The following DIAPH2 variants were observed in gnomAD, a reference collection of about 807,000 sequenced individuals.
DIAPH2 encodes protein diaphanous homolog 2.
DIAPH2 carries 35 observed loss-of-function variants against 92.7 expected under a neutral mutation model. The ratio of observed to expected loss-of-function variants is 0.38; its 90% CI spans 0.29 to 0.50. The LOEUF is 0.50. Ranked by LOEUF, DIAPH2 falls within the 20% of genes least tolerant of loss-of-function variation. The pLI, the probability that DIAPH2 is intolerant of heterozygous loss-of-function variation, is 0.94. For synonymous variants in DIAPH2, 301 were observed against 280.4 expected (o/e 1.07, Z -0.73); for missense variants, 701 against 819.5 (o/e 0.86, Z 1.77).
intron 26 of DIAPH2, among the ~76,000 whole-genome samples, chrX:97,536,451 T>C (rs923897577): frequency 2.3e-4 from 26 of 112,536 alleles, no homozygotes; most frequent in African/African-American, 7.7e-4. Context: ...ACATGAAATT[T>C]ATCCTCAACA....
intron 22 of DIAPH2, among the ~76,000 whole-genome samples, chrX:97,185,481 A>ATGTGTGTG (rs2067592355): frequency 3.6e-4 from 2 of 5,630 alleles, no homozygotes; most frequent in Non-Finnish European, 1.2e-3. Flanking sequence ...ACACATATAT[A>ATGTGTGTG]TATATATATA....
chrX:96,948,115 C>T (rs1318810626), intron 14 of DIAPH2, among the ~76,000 whole-genome samples: 2 of 112,321 alleles, frequency 1.8e-5, no homozygotes, highest in Non-Finnish European at 3.8e-5. Context: ...TTTATGGATT[C>T]TAGACAACTA....
At chrX:97,575,026 T>C (rs551149243) in intron 26 of DIAPH2, among the ~76,000 whole-genome samples, 1 of 112,602 alleles carries the variant, frequency 8.9e-6, no homozygotes, top group Middle Eastern at 4.6e-3. Flanking sequence ...ACTGAACTTA[T>C]TGAGCAACTG....
intron 17 of DIAPH2, among the ~76,000 whole-genome samples, chrX:97,061,226 T>G (rs769820967): frequency 8.9e-6 from 1 of 111,880 alleles, no homozygotes; most frequent in South Asian, 3.8e-4. Context: ...ATGTGCACTT[T>G]CAGTAGAATA....
chrX:97,395,885 T>A (rs2050426941), intron 25 of DIAPH2, among the ~76,000 whole-genome samples: 1 of 112,503 alleles, frequency 8.9e-6, no homozygotes, highest in African/African-American at 3.2e-5. Context: ...GCTGAACATT[T>A]AACAAGATTT....
chrX:96,790,323 G>A (rs1037084483), intron 4 of DIAPH2, among the ~76,000 whole-genome samples: 5 of 110,653 alleles, frequency 4.5e-5, no homozygotes, highest in Non-Finnish European at 9.5e-5. Context: ...CGCCTGCCTC[G>A]GCCTCCCAAA....
chrX:97,153,386 G>A (rs1602378083), intron 22 of DIAPH2, among the ~76,000 whole-genome samples: 1 of 110,205 alleles, frequency 9.1e-6, no homozygotes, highest in Non-Finnish European at 1.9e-5. Flanking sequence ...AGTTCAAGAC[G>A]AGCCTGGCCA....
chrX:97,444,460 G>T (rs1212535359), intron 26 of DIAPH2, among the ~76,000 whole-genome samples: 1 of 111,478 alleles, frequency 9.0e-6, no homozygotes, highest in African/African-American at 3.3e-5. Flanking sequence ...TTTTATTTCA[G>T]TTATAATACC....
Position 97,433,387 on chromosome X carries a change from G to A in DIAPH2, c.3241+3642G>A, listed in dbSNP as rs755575010. The stretch of plus-strand genomic sequence containing the variant: ...AAAAATTAGCCAAGCATGGTGGCAT[G>A]TGCCTGTAGTCCCAGCTACTCAGGT... On this transcript the variant is annotated intron_variant, in intron 26 of 26. Coordinates refer to ENST00000324765, the MANE Select transcript of DIAPH2 (RefSeq NM_006729.5). 1.7e-4 allele frequency among the ~76,000 whole-genome samples: 19 copies of A among 110,638 alleles called. 1 individual carries two copies. Among genetic ancestry groups the A allele is most frequent in the Non-Finnish European group, 3.0e-4 (16 of 52,978 alleles).
intron 26 of DIAPH2, among the ~76,000 whole-genome samples, chrX:97,556,882 G>A (rs1266618325): frequency 9.0e-6 from 1 of 111,590 alleles, no homozygotes; most frequent in South Asian, 3.7e-4. Flanking sequence ...CAATTATAGT[G>A]TCACAAATAT....
At chrX:97,137,297 A>ATATATATATATATG (rs2067179259) in intron 21 of DIAPH2, among the ~76,000 whole-genome samples, 1 of 97,820 alleles carries the variant, frequency 1.0e-5, no homozygotes, top group Admixed American at 1.1e-4. Context: ...ATATATATAT[A>ATATATATATATATG]TATATGTATA....
chrX:97,518,381 G>T (rs894734364), intron 26 of DIAPH2, among the ~76,000 whole-genome samples: 1 of 110,953 alleles, frequency 9.0e-6, no homozygotes, highest in African/African-American at 3.3e-5. Context: ...GGATTATGTT[G>T]AAAAATCAGG....
At position 97,128,004 on chromosome X, in the gene DIAPH2, C is replaced by G. The variant is rs1175343488; in HGVS notation, c.2589+13039C>G. 3.6e-5 allele frequency among the ~76,000 whole-genome samples: 4 copies of G among 111,051 alleles called. No homozygotes were observed. The East Asian group carries it at 1.1e-3, about 32-fold the overall frequency. On this transcript the variant is annotated intron_variant, in intron 21 of 26. Coordinates refer to ENST00000324765, the MANE Select transcript of DIAPH2 (RefSeq NM_006729.5). Reference sequence around the variant, plus strand: ...CCTCAGAGACAGAGTGAGACTGTTACAAGAAAGGGGTCCTGATCCAGACCC... The same window carrying G: ...CCTCAGAGACAGAGTGAGACTGTTAGAAGAAAGGGGTCCTGATCCAGACCC...
At chrX:97,297,076 CTTTTTTTTTTTTT>C (rs57145821) in intron 23 of DIAPH2, among the ~76,000 whole-genome samples, 11 of 20,730 alleles carry the variant, frequency 5.3e-4, no homozygotes, top group African/African-American at 1.3e-3. Context: ...CAGGCCTGGC[CTTTTTTTTTTTTT>C]TTTTTTTTTT....
chrX:96,908,304 A>G (rs966981785), intron 5 of DIAPH2, among the ~76,000 whole-genome samples: 10 of 111,502 alleles, frequency 9.0e-5, no homozygotes, highest in African/African-American at 2.6e-4. Flanking sequence ...AAAATTATTA[A>G]GAGTAATTTT....
At chrX:97,326,806 T>C (rs1173996252) in intron 23 of DIAPH2, among the ~76,000 whole-genome samples, 1 of 112,418 alleles carries the variant, frequency 8.9e-6, no homozygotes, top group Non-Finnish European at 1.9e-5. Flanking sequence ...CCATGGTAAT[T>C]GATGCACACC....
chrX:96,738,850 A>G (rs2064102898), intron 3 of DIAPH2, 88 bp downstream of exon 3: 4 of 714,092 alleles, frequency 5.6e-6, no homozygotes, highest in African/African-American at 2.2e-5. Context: ...TTGTATGGAC[A>G]GTGTTTATAT....
chrX:96,889,831 A>G (rs1204998202), intron 5 of DIAPH2, among the ~76,000 whole-genome samples: 1 of 112,174 alleles, frequency 8.9e-6, no homozygotes, highest in African/African-American at 3.2e-5. Flanking sequence ...TAATGTTGTT[A>G]GAAACGGAAA....
chrX:97,010,601 A>G (rs746006701), intron 17 of DIAPH2, among the ~76,000 whole-genome samples: 2 of 111,833 alleles, frequency 1.8e-5, no homozygotes, highest in African/African-American at 6.5e-5. Context: ...TCATCCTGAA[A>G]TTAAGAAGTA....
Sources: allele counts gnomAD v4.1 joint callset (sites outside exome capture counted in the v4.1 genomes callset), GRCh38; gene constraint gnomAD v4.1.1; transcripts MANE v1.5; gene names NCBI Gene and HGNC (gene_info 2026-07-23, HGNC 2026-07-21).